The following TACR1 variants were observed in gnomAD, a reference collection of about 807,000 sequenced individuals.
TACR1 encodes the protein substance-P receptor.
A neutral mutation model predicts 35.8 loss-of-function variants in TACR1; 25 were observed. That is an observed-to-expected ratio of 0.70 (90% CI 0.51 to 0.98). The LOEUF is 0.98. Among genes scored for constraint, TACR1 ranks in the 50% least tolerant of loss-of-function variants. The pLI is 0.00. For synonymous variants in TACR1, 195 were observed against 206.7 expected (o/e 0.94, Z 0.48); for missense variants, 478 against 522.9 (o/e 0.91, Z 0.84).
intron 1 of TACR1, among the ~76,000 whole-genome samples, chr2:75,160,627 A>C (rs1674984040): frequency 6.6e-6 from 1 of 151,710 alleles, no homozygotes; most frequent in Non-Finnish European, 1.5e-5. Flanking sequence ...AATTGCAAAA[A>C]AGCAAATTAG....
chr2:75,117,010 A>G (rs146460462), intron 2 of TACR1, among the ~76,000 whole-genome samples: 25 of 152,242 alleles, frequency 1.6e-4, no homozygotes, highest in African/African-American at 5.1e-4. Context: ...TAGTTTTGTC[A>G]GATTTCTTAA....
intron 2 of TACR1, among the ~76,000 whole-genome samples, chr2:75,105,534 C>T (rs1255296011): frequency 6.6e-6 from 1 of 151,758 alleles, no homozygotes; most frequent in Non-Finnish European, 1.5e-5. Context: ...ATGTTCTCAC[C>T]ATGAAAGAAA....
In TACR1 at chr2:75,051,008, G is replaced by A. The variant is rs1672453364; in HGVS notation, c.932+243C>T. 1.5e-5 allele frequency: 8 copies of A among 542,432 alleles called. No homozygotes were observed. In the South Asian group the frequency reaches 1.7e-4, roughly 12 times the overall value. The allele number at this position is 542,432 out of a possible 1,614,324, so 33.6% of individuals were successfully genotyped here. On this transcript the variant is annotated intron_variant, in intron 4 of 4. Coordinates refer to ENST00000305249, the MANE Select transcript of TACR1 (RefSeq NM_001058.4). ...AGTATTTATGAATCAGAAGACTTTG[G>A]ACAATAATATGGATTTCTGGTTCCC...
rs189736658 is a variant in TACR1, at chr2:75,140,526, T to C, written c.390-19758A>G. Among the ~76,000 whole-genome samples, 77 of 152,252 alleles carry C rather than the reference T, an allele frequency of 5.1e-4. No homozygotes were observed. In the East Asian group the frequency reaches 0.013, roughly 26 times the overall value. ...TCAAGAGGTGCTGTCAGGGAGTTCT[T>C]GAAAAGGCTGTTCCTGGGATTCTGC... is the stretch of plus-strand genomic sequence containing the variant. On this transcript the variant is annotated intron_variant, in intron 1 of 4. Transcript: ENST00000305249.
intron 1 of TACR1, among the ~76,000 whole-genome samples, chr2:75,130,320 C>A (rs961647329): frequency 6.6e-6 from 1 of 152,188 alleles, no homozygotes; most frequent in African/African-American, 2.4e-5. Flanking sequence ...CTGCCCCTGC[C>A]AGGCACCTGA....
chr2:75,140,910 C>A (rs975133667), intron 1 of TACR1, among the ~76,000 whole-genome samples: 3 of 152,176 alleles, frequency 2.0e-5, no homozygotes, highest in African/African-American at 7.2e-5. Flanking sequence ...AAGCCCTATC[C>A]ATGATACGTG....
chr2:75,144,380 A>G (rs1220797289), intron 1 of TACR1, among the ~76,000 whole-genome samples: 2 of 152,154 alleles, frequency 1.3e-5, no homozygotes, highest in African/African-American at 2.4e-5. Flanking sequence ...ACAGCCAACT[A>G]TGTTGCCACA....
rs182791345 is a variant in TACR1, at chr2:75,049,052, C to G, written c.*380G>C. 5.3e-6 allele frequency: 1 copy of G among 188,702 alleles called. No homozygotes were observed. The highest frequency in any genetic ancestry group is 1.1e-5 in the Non-Finnish European group (1 of 91,990). 11.7% of individuals were successfully genotyped at this position (188,702 alleles called of 1,614,324 possible). On this transcript the variant is annotated 3_prime_UTR_variant, in exon 5 of 5. Transcript: ENST00000305249. ...CTGAGATAACTTTATTGAAGTAACA[C>G]GGGGCTCCAGGAAAATGAGTCTTCC...
chr2:75,094,861 T>TATATA (rs1558551241), intron 2 of TACR1, among the ~76,000 whole-genome samples: 6 of 60,728 alleles, frequency 9.9e-5, no homozygotes, highest in East Asian at 7.1e-4. Flanking sequence ...ATATATATAT[T>TATATA]TTTTTTTTTT....
chr2:75,121,451 AG>A lies in TACR1; in HGVS notation c.390-684del, dbSNP rs1008261439. 7.9e-5 allele frequency among the ~76,000 whole-genome samples: 12 copies of A among 152,338 alleles called. 1 individual carries two copies. Among genetic ancestry groups the A allele is most frequent in the Admixed American group, 6.5e-4 (10 of 15,308 alleles). On this transcript the variant is annotated intron_variant, in intron 1 of 4. Transcript: ENST00000305249. The stretch of plus-strand genomic sequence containing the variant: ...ACCAGTATGGATGACACTTCATTGC[AG>A]GAAGAGGGGAGCACAGCAAATGATG...
intron 2 of TACR1, among the ~76,000 whole-genome samples, chr2:75,085,038 C>T (rs892237038): frequency 1.3e-5 from 2 of 152,084 alleles, no homozygotes; most frequent in African/African-American, 2.4e-5. Flanking sequence ...AATTTTAGAT[C>T]TTTCCTGCTT....
Position 75,198,626 on chromosome 2 carries a change from G to T in TACR1, c.309C>A (p.Phe103Leu). The T allele has an allele frequency of 6.2e-7, 1 of 1,614,220 alleles. No homozygotes were observed. The highest frequency in any genetic ancestry group is 8.5e-7 in the Non-Finnish European group (1 of 1,180,040). The change falls in exon 1 of 5, where the codon TTC becomes TTA. Residue 103 changes from phenylalanine to leucine, a missense_variant. Transcript: ENST00000305249. ...GAAAGAAGTTGTGGAACTTGCAGTA[G>T]AACAGGCCGTAGTACCATTCGTTGT... Reference protein sequence around the residue: ...AVHNEWYYGLFYCKFHNFFPI... With the variant: ...AVHNEWYYGLLYCKFHNFFPI...
At position 75,072,655 on chromosome 2, in the gene TACR1, C is replaced by G. The variant is rs150947401; in HGVS notation, c.585-18900G>C. On this transcript the variant is annotated intron_variant, in intron 2 of 4. Transcript: ENST00000305249. ...GCTTCCTGGCATCAGACTCTGATAG[C>G]CTGAAGGGCATGTGCACTCCACTCC... Among the ~76,000 whole-genome samples, 249 of 152,270 alleles carry G rather than the reference C, an allele frequency of 1.6e-3. 1 individual carries two copies. Among genetic ancestry groups the G allele is most frequent in the African/African-American group, 5.6e-3 (234 of 41,564 alleles).
intron 1 of TACR1, among the ~76,000 whole-genome samples, chr2:75,125,215 G>A (rs985610194): frequency 7.3e-5 from 11 of 150,536 alleles, no homozygotes; most frequent in South Asian, 4.2e-4. Flanking sequence ...ATGGAGTCTC[G>A]CTCTGTTGCC....
intron 1 of TACR1, among the ~76,000 whole-genome samples, chr2:75,135,513 G>A (rs181561180): frequency 9.9e-5 from 15 of 152,184 alleles, no homozygotes; most frequent in East Asian, 3.9e-4. Flanking sequence ...GTGTCCCGGC[G>A]CCCGTGCTAT....
At chr2:75,078,684 G>C (rs1282072907) in intron 2 of TACR1, among the ~76,000 whole-genome samples, 1 of 152,150 alleles carries the variant, frequency 6.6e-6, no homozygotes, top group Non-Finnish European at 1.5e-5. Context: ...TGCCCTTGTA[G>C]GAGTGTATTC....
intron 2 of TACR1, among the ~76,000 whole-genome samples, chr2:75,091,499 G>A (rs1337089873): frequency 3.3e-5 from 5 of 152,020 alleles, no homozygotes; most frequent in African/African-American, 4.8e-5. Flanking sequence ...CTATAAGGGA[G>A]GTACTATAAT....
intron 1 of TACR1, among the ~76,000 whole-genome samples, chr2:75,178,578 A>G (rs1210731315): frequency 6.6e-6 from 1 of 151,990 alleles, no homozygotes; most frequent in Non-Finnish European, 1.5e-5. Context: ...TTTCTACCTA[A>G]TACACTTTCT....
At chr2:75,056,562 C>T (rs1672572567) in intron 2 of TACR1, among the ~76,000 whole-genome samples, 1 of 152,194 alleles carries the variant, frequency 6.6e-6, no homozygotes, top group Non-Finnish European at 1.5e-5. Flanking sequence ...GGCCATGGCC[C>T]TTCAGCTTGG....
Sources: allele counts gnomAD v4.1 joint callset (sites outside exome capture counted in the v4.1 genomes callset), GRCh38; gene constraint gnomAD v4.1.1; transcripts MANE v1.5; gene names NCBI Gene and HGNC (gene_info 2026-07-23, HGNC 2026-07-21).